The following OCSTAMP variants were observed in gnomAD, a reference collection of about 807,000 sequenced individuals.
OCSTAMP encodes transmembrane protein C20orf123.
OCSTAMP carries 17 observed loss-of-function variants against 25.2 expected under a neutral mutation model. The observed-to-expected ratio is 0.68, with a 90% CI of 0.46 to 1.01. The LOEUF (loss-of-function observed/expected upper bound fraction) is 1.01. Among genes scored for constraint, OCSTAMP ranks in the 50% least tolerant of loss-of-function variants. OCSTAMP has a pLI of 0.00. For missense variants in OCSTAMP, 664 were observed against 694.6 expected, an observed-to-expected ratio of 0.96 and a Z score of 0.50; for synonymous variants, 345 against 318.9, an observed-to-expected ratio of 1.08 and a Z score of -0.87.
intron 1 of OCSTAMP, among the ~76,000 whole-genome samples, chr20:46,548,626 T>G (rs2061860629): frequency 6.6e-6 from 1 of 152,052 alleles, no homozygotes; most frequent in Non-Finnish European, 1.5e-5. Context: ...AGGTTGGAGA[T>G]CATACATTAT....
intron 2 of OCSTAMP, among the ~76,000 whole-genome samples, chr20:46,543,236 C>CCTTCCTTCCTTTCTT: frequency 1.9e-5 from 2 of 103,404 alleles, no homozygotes; most frequent in Admixed American, 1.9e-4. Context: ...CTTTCTTTTT[C>CCTTCCTTCCTTTCTT]TTTCTTTCTT....
intron 1 of OCSTAMP, among the ~76,000 whole-genome samples, chr20:46,549,290 CTGA>C (rs1293132625): frequency 2.0e-5 from 3 of 152,206 alleles, no homozygotes; most frequent in Non-Finnish European, 4.4e-5. Flanking sequence ...ACTTGTTACT[CTGA>C]TGATACTTAT....
intron 1 of OCSTAMP, among the ~76,000 whole-genome samples, chr20:46,546,819 G>T (rs1232960673): frequency 3.3e-5 from 5 of 152,206 alleles, no homozygotes; most frequent in African/African-American, 1.2e-4. Flanking sequence ...ATTTAGGGGT[G>T]AGGAGGGTGA....
chr20:46,541,646 G>A lies in OCSTAMP; in HGVS notation c.1329C>T (p.Arg443=). 1 of 1,551,084 alleles carries A rather than the reference G, an allele frequency of 6.4e-7. No homozygotes were observed. The highest frequency in any genetic ancestry group is 8.7e-7 in the Non-Finnish European group (1 of 1,146,980). The change falls in exon 3 of 3, where the codon CGC becomes CGT. Residue 443 remains arginine (R), a synonymous_variant. Transcript: ENST00000279028. ...TTCGCTGGAGCCGGGCGTGCAGGTG[G>A]CGGACCCTCCTCGCCTCCTGGGCTG... is the stretch of plus-strand genomic sequence containing the variant. ...FFTAQEARRV[R]HLHARLQRRH... is the part of the protein sequence containing the mutation.
At chr20:46,546,429 A>T (rs1568898432) in intron 1 of OCSTAMP, 100 bp from the exon 2 acceptor site, 7 of 1,034,544 alleles carry the variant, frequency 6.8e-6, no homozygotes, top group Non-Finnish European at 5.6e-6. Flanking sequence ...GGCTCTGCTA[A>T]CAGACTCCAC....
Position 46,545,279 on chromosome 20 carries a change from T to C in OCSTAMP, c.1047+48A>G, listed in dbSNP as rs749474353. On this transcript the variant is annotated intron_variant, in intron 2 of 2. Coordinates refer to ENST00000279028, the MANE Select transcript of OCSTAMP (RefSeq NM_080721.3). ...TCAAGGGTTTAACAGATTCTCCCCCTGCCCTCAAAACAATGACTCCCTTCC... is the reference window on the plus strand; with the variant it reads ...TCAAGGGTTTAACAGATTCTCCCCCCGCCCTCAAAACAATGACTCCCTTCC... 8 of 1,425,202 alleles carry C rather than the reference T, an allele frequency of 5.6e-6. No homozygotes were observed. In the Admixed American group the frequency reaches 1.8e-4, roughly 32 times the overall value. The allele number at this position is 1,425,202 out of a possible 1,614,324, so 88.3% of individuals were successfully genotyped here. A position where few individuals can be genotyped will look rare whatever the true frequency, so the allele number is the denominator to read the frequency against.
chr20:46,547,371 T>TA (rs2061856450), intron 1 of OCSTAMP, among the ~76,000 whole-genome samples: 1 of 152,170 alleles, frequency 6.6e-6, no homozygotes, highest in African/African-American at 2.4e-5. Flanking sequence ...TTTATATCCC[T>TA]ACCTAAAGCC....
intron 2 of OCSTAMP, 54 bp from the exon 3 acceptor site, chr20:46,541,981 C>T: frequency 7.2e-7 from 1 of 1,397,680 alleles, no homozygotes. Context: ...GGCCACTCCC[C>T]ACCTCTAGGA....
chr20:46,543,431 C>A (rs906115062), intron 2 of OCSTAMP, among the ~76,000 whole-genome samples: 1 of 150,550 alleles, frequency 6.6e-6, no homozygotes, highest in Non-Finnish European at 1.5e-5. Context: ...CAGGTTCAAG[C>A]GATTATCTCA....
At position 46,541,783 on chromosome 20, in the gene OCSTAMP, G is replaced by C; in HGVS notation, c.1192C>G (p.Arg398Gly). 1 of 1,502,036 alleles carries C rather than the reference G, an allele frequency of 6.7e-7. No individual in the cohort carries two copies. The highest frequency in any genetic ancestry group is 8.9e-7 in the Non-Finnish European group (1 of 1,128,712). The allele number at this position is 1,502,036 out of a possible 1,614,324, so 93.0% of individuals were successfully genotyped here. Reference protein sequence around the residue: ...RCPLLPARRPRAAAPLAAGAL... With the variant: ...RCPLLPARRPGAAAPLAAGAL... ...CCCGCGGCCAGCGGGGCAGCTGCGCGGGGACGCCGGGCGGGTAGCAGTGGG... is the reference window on the plus strand; with the variant it reads ...CCCGCGGCCAGCGGGGCAGCTGCGCCGGGACGCCGGGCGGGTAGCAGTGGG... The change falls in exon 3 of 3, where the codon CGC (arginine) becomes GGC (glycine). Residue 398 changes from arginine (R) to glycine (G), a missense_variant. Arg to Gly is a moderately radical substitution (Grantham distance 125, BLOSUM62 -2). Transcript: ENST00000279028.
chr20:46,541,818 G>A lies in OCSTAMP; in HGVS notation c.1157C>T (p.Ser386Phe). The A allele has an allele frequency of 6.8e-7, 1 of 1,479,164 alleles. No individual in the cohort carries two copies. The highest frequency in any genetic ancestry group is 8.9e-7 in the Non-Finnish European group (1 of 1,119,784). The allele number at this position is 1,479,164 out of a possible 1,614,324, so 91.6% of individuals were successfully genotyped here. Residue 386 changes from serine (S) to phenylalanine (F), a missense_variant, in exon 3 of 3, where the codon TCC becomes TTC. Transcript: ENST00000279028. ...SSYQWELRLT[S>F]ARCPLLPARR... is the part of the protein sequence containing the mutation. ...GGCGGGTAGCAGTGGGCAGCGGGCG[G>A]AGGTGAGGCGGAGCTCCCATTGGTA... is the stretch of plus-strand genomic sequence containing the variant.
Position 46,545,515 on chromosome 20 carries a change from C to G in OCSTAMP, c.859G>C (p.Ala287Pro). The G allele has an allele frequency of 6.4e-7, 1 of 1,551,178 alleles. No individual in the cohort carries two copies. The highest frequency in any genetic ancestry group is 1.2e-5 in the South Asian group (1 of 83,994). Residue 287 changes from alanine to proline, a missense_variant, in exon 2 of 3, where the codon GCT becomes CCT. Physicochemically the swap from Ala to Pro is conservative, Grantham distance 27. Transcript: ENST00000279028. Reference sequence around the variant, plus strand: ...TCCTCCTGTGACAGCCTCAGCTGAGCCGCCTGGAGCAGCCAGGTGGGTGGA... The same window carrying G: ...TCCTCCTGTGACAGCCTCAGCTGAGGCGCCTGGAGCAGCCAGGTGGGTGGA... The part of the protein sequence containing the change: ...APPPTWLLQA[A>P]QLRLSQEELL...
chr20:46,541,698 C>A lies in OCSTAMP; in HGVS notation c.1277G>T (p.Arg426Leu), dbSNP rs200877331. The stretch of plus-strand genomic sequence containing the variant: ...GAAGAAGGAAGCGGCGATGGCATGC[C>A]GCAGGCGGCGGGCGTAGGCCTCCAG... ...VLLEAYARRL[R>L]HAIAASFFTA... The change falls in exon 3 of 3, where the codon CGG (arginine) becomes CTG (leucine). Residue 426 changes from arginine (R) to leucine (L), a missense_variant. By Grantham distance (102) the Arg-to-Leu change is moderately radical (BLOSUM62 -2). Transcript: ENST00000279028. The A allele has an allele frequency of 1.3e-6, 2 of 1,549,318 alleles. No homozygotes were observed. The highest frequency in any genetic ancestry group is 2.4e-5 in the South Asian group (2 of 84,006).
chr20:46,549,329 A>G (rs1165849633), intron 1 of OCSTAMP, among the ~76,000 whole-genome samples: 1 of 152,218 alleles, frequency 6.6e-6, no homozygotes, highest in Non-Finnish European at 1.5e-5. Flanking sequence ...GTTTCACTCG[A>G]GTCTCCTCTG....
rs847078 is a variant in OCSTAMP at position 46,541,574 on chromosome 20, A to G, written c.1401T>C (p.Ser467=). ...AGGCAGGTCTGGGTGTGGGGACGCA[A>G]GAAGGATCCCCTAGGGGCAGCTGCT... The part of the protein sequence containing the change: ...QGQQLPLGDP[S]CVPTPRPACK... Residue 467 remains serine (S), a synonymous_variant, in exon 3 of 3, where the codon TCT becomes TCC. Coordinates refer to ENST00000279028, the MANE Select transcript of OCSTAMP (RefSeq NM_080721.3). The G allele has an allele frequency of 0.12, 181,134 of 1,551,536 alleles. 16,100 individuals carry two copies. Among genetic ancestry groups the G allele is most frequent in the African/African-American group, 0.47 (34,319 of 73,078 alleles).
chr20:46,541,260 T>C lies in OCSTAMP; in HGVS notation c.*14A>G. Reference sequence around the variant, plus strand: ...TGCACTCCTTGTCTTCGCCTTTGCATGGTTCTTTACCGGTTATCCAGGCCT... The same window carrying C: ...TGCACTCCTTGTCTTCGCCTTTGCACGGTTCTTTACCGGTTATCCAGGCCT... On this transcript the variant is annotated 3_prime_UTR_variant, in exon 3 of 3. Coordinates refer to ENST00000279028, the MANE Select transcript of OCSTAMP (RefSeq NM_080721.3). 1 of 717,630 alleles carries C rather than the reference T, an allele frequency of 1.4e-6. No individual in the cohort carries two copies. Among genetic ancestry groups the C allele is most frequent in the Non-Finnish European group, 2.6e-6 (1 of 384,624 alleles). 44.5% of individuals were successfully genotyped at this position (717,630 alleles called of 1,614,324 possible). A position where few individuals can be genotyped will look rare whatever the true frequency, so the allele number is the denominator to read the frequency against.
At position 46,541,554 on chromosome 20, in the gene OCSTAMP, G is replaced by A. The variant is rs1002730156; in HGVS notation, c.1421C>T (p.Pro474Leu). ...TATCCATGCCGGAGGCTTGCAGGCA[G>A]GTCTGGGTGTGGGGACGCAAGAAGG... ...GDPSCVPTPR[P>L]ACKPPAWIDY... Residue 474 changes from proline to leucine, a missense_variant, in exon 3 of 3, where the codon CCT (proline) becomes CTT (leucine). Transcript: ENST00000279028. 12 of 1,551,770 alleles carry A rather than the reference G, an allele frequency of 7.7e-6. No individual in the cohort carries two copies. The highest frequency in any genetic ancestry group is 1.0e-5 in the Non-Finnish European group (12 of 1,146,994).
chr20:46,542,410 T>C (rs557521567), intron 2 of OCSTAMP, among the ~76,000 whole-genome samples: 5 of 151,880 alleles, frequency 3.3e-5, no homozygotes, highest in African/African-American at 1.2e-4. Flanking sequence ...TGAAATCCCG[T>C]CTCTACTAAA....
chr20:46,549,797 T>G (rs967139993), intron 1 of OCSTAMP, among the ~76,000 whole-genome samples: 1 of 149,288 alleles, frequency 6.7e-6, no homozygotes, highest in Non-Finnish European at 1.5e-5. Context: ...TGTGCCTTAT[T>G]GTGGCCCACT....
Sources: gnomAD v4.1 joint callset for allele counts (sites outside exome capture counted in the v4.1 genomes callset) on GRCh38, gnomAD v4.1.1 for gene constraint, MANE v1.5 for transcripts, NCBI Gene and HGNC (gene_info 2026-07-23, HGNC 2026-07-21) for gene names.